The following MLIP variants were observed in gnomAD, a reference collection of about 807,000 sequenced individuals.
The protein encoded by MLIP is muscular LMNA-interacting protein.
MLIP carries 79 observed loss-of-function variants against 84.8 expected under a neutral mutation model. The observed-to-expected ratio is 0.93, with a 90% CI of 0.78 to 1.12. MLIP has a LOEUF of 1.12. Among genes scored for constraint, MLIP ranks in the 50% most tolerant of loss-of-function variants. The pLI is 0.00. For synonymous variants in MLIP, 504 were observed against 463.0 expected, an observed-to-expected ratio of 1.09 and a Z score of -1.14; for missense variants, 1,257 against 1,160.6, an observed-to-expected ratio of 1.08 and a Z score of -1.21.
chr6:54,212,864 T>C (rs1234265418), intron 11 of MLIP, among the ~76,000 whole-genome samples: 1 of 152,236 alleles, frequency 6.6e-6, no homozygotes, highest in African/African-American at 2.4e-5. Flanking sequence ...GGTCTTGGCA[T>C]TTGCTACTTA....
chr6:54,176,123 G>A (rs973909679), intron 9 of MLIP, among the ~76,000 whole-genome samples: 1 of 151,838 alleles, frequency 6.6e-6, no homozygotes, highest in African/African-American at 2.4e-5. Context: ...TGTTGAATTT[G>A]TTTTGCTAGC....
rs1046018047 is a variant in MLIP, at chr6:54,138,397, G to A, written c.2217+111G>A. On this transcript the variant is annotated intron_variant, in intron 4 of 13. Transcript: ENST00000502396. ...ATAGTATTAATTGTACTCCTACAAG[G>A]AGGAAGAAAAAGTGCAAGACGGTAC... is the stretch of plus-strand genomic sequence containing the variant. The A allele has an allele frequency of 8.5e-6, 11 of 1,298,890 alleles. No individual in the cohort carries two copies. In the African/African-American group the frequency reaches 1.6e-4, roughly 19 times the overall value. 80.5% of individuals were successfully genotyped at this position (1,298,890 alleles called of 1,614,324 possible).
chr6:54,138,766 C>T (rs548965908), intron 4 of MLIP, among the ~76,000 whole-genome samples: 48 of 152,256 alleles, frequency 3.2e-4, no homozygotes, highest in African/African-American at 1.1e-3. Context: ...TAGCCAAGCA[C>T]GTTCTCGTAG....
chr6:54,183,067 C>G (rs1315169948), intron 9 of MLIP, among the ~76,000 whole-genome samples: 1 of 152,100 alleles, frequency 6.6e-6, no homozygotes, highest in Non-Finnish European at 1.5e-5. Context: ...ATGTGTCAAA[C>G]TTTATTAATA....
At chr6:54,219,220 AAAAAATAAAAAT>A (rs762712468) in intron 11 of MLIP, among the ~76,000 whole-genome samples, 5 of 151,782 alleles carry the variant, frequency 3.3e-5, no homozygotes, top group African/African-American at 1.2e-4. Flanking sequence ...AAATAAAAAT[AAAAAATAAAAAT>A]AAAAATAAAA....
At chr6:54,217,409 A>T (rs1286212093) in intron 11 of MLIP, 1 of 985,364 alleles carries the variant, frequency 1.0e-6, no homozygotes, top group Non-Finnish European at 1.2e-6. Context: ...ATGGTTGAGT[A>T]GAAAGTAGGC....
Position 54,160,918 on chromosome 6 carries a change from T to C in MLIP, c.2499+119T>C, listed in dbSNP as rs185533140. On this transcript the variant is annotated intron_variant, in intron 8 of 13. Coordinates refer to ENST00000502396, the MANE Select transcript of MLIP (RefSeq NM_001281747.2). ...AATAAATTTAGTGAATAGCAATCAGTCTTTTTTGTAGAATTTTAAAGATAG... is the reference window on the plus strand; with the variant it reads ...AATAAATTTAGTGAATAGCAATCAGCCTTTTTTGTAGAATTTTAAAGATAG... The C allele has an allele frequency of 1.5e-5, 12 of 777,960 alleles. No individual in the cohort carries two copies. The African/African-American group carries it at 2.1e-4, about 14-fold the overall frequency. 48.2% of individuals were successfully genotyped at this position (777,960 alleles called of 1,614,324 possible).
At chr6:54,099,607 G>C (rs1372656936) in intron 1 of MLIP, 1 of 152,046 alleles carries the variant, frequency 6.6e-6, no homozygotes, top group Non-Finnish European at 1.5e-5. Flanking sequence ...ACCCTTTTCA[G>C]GTAACCAAAT....
chr6:54,137,100 G>GA lies in MLIP; in HGVS notation c.1033dup (p.Thr345AsnfsTer54). On this transcript the variant is annotated frameshift_variant, in exon 4 of 14. Coordinates refer to ENST00000502396, the MANE Select transcript of MLIP (RefSeq NM_001281747.2). LOFTEE classifies it high-confidence loss of function. ...GTCCTTAGTCACGGAGAAAGTCCGAGAACCTCTTCTTCTCCACCGTCCTCC... is the reference window on the plus strand; with the variant it reads ...GTCCTTAGTCACGGAGAAAGTCCGAGAAACCTCTTCTTCTCCACCGTCCTCC... 4 of 1,536,036 alleles carry GA rather than the reference G, an allele frequency of 2.6e-6. No homozygotes were observed. The highest frequency in any genetic ancestry group is 3.5e-6 in the Non-Finnish European group (4 of 1,146,872).
At chr6:54,183,708 G>A (rs1189447187) in intron 9 of MLIP, among the ~76,000 whole-genome samples, 1 of 146,224 alleles carries the variant, frequency 6.8e-6, no homozygotes, top group Non-Finnish European at 1.5e-5. Flanking sequence ...TACTAACTTA[G>A]AAATGGTCTT....
chr6:54,246,239 A>T (rs1297357781), intron 12 of MLIP, among the ~76,000 whole-genome samples: 1 of 152,152 alleles, frequency 6.6e-6, no homozygotes, highest in Non-Finnish European at 1.5e-5. Flanking sequence ...AGGCATTCAA[A>T]TGAAGTGTAA....
At chr6:54,234,215 C>T (rs1190738244) in intron 12 of MLIP, among the ~76,000 whole-genome samples, 1 of 152,060 alleles carries the variant, frequency 6.6e-6, no homozygotes, top group African/African-American at 2.4e-5. Context: ...TTGACCCAAC[C>T]CTTTTTAGAT....
chr6:54,082,853 A>G (rs1346902273), intron 1 of MLIP, among the ~76,000 whole-genome samples: 1 of 152,152 alleles, frequency 6.6e-6, no homozygotes, highest in African/African-American at 2.4e-5. Flanking sequence ...AGCACTTAAT[A>G]TACTTTGACT....
At chr6:54,076,595 G>T (rs1053654168) in intron 1 of MLIP, among the ~76,000 whole-genome samples, 1 of 152,222 alleles carries the variant, frequency 6.6e-6, no homozygotes, top group Non-Finnish European at 1.5e-5. Context: ...GCCACTGTTT[G>T]CAGGATTTCC....
intron 1 of MLIP, chr6:54,063,308 C>G (rs1047678911): frequency 2.0e-5 from 3 of 151,928 alleles, no homozygotes; most frequent in Non-Finnish European, 4.4e-5. Flanking sequence ...CACCTTGTTT[C>G]TCTTTTAATC....
At chr6:54,259,758 C>A (rs1171974336) in intron 13 of MLIP, among the ~76,000 whole-genome samples, 3 of 151,680 alleles carry the variant, frequency 2.0e-5, no homozygotes, top group Non-Finnish European at 4.4e-5. Flanking sequence ...AAGGAAAAGG[C>A]CATTTTGTGA....
chr6:54,261,312 C>T (rs535168705), intron 13 of MLIP, among the ~76,000 whole-genome samples: 2 of 152,112 alleles, frequency 1.3e-5, no homozygotes, highest in East Asian at 3.9e-4. Flanking sequence ...CTTTGTATTA[C>T]CTGCTACATG....
chr6:54,097,820 G>T (rs1453957082), intron 1 of MLIP, among the ~76,000 whole-genome samples: 2 of 152,152 alleles, frequency 1.3e-5, no homozygotes, highest in Non-Finnish European at 2.9e-5. Context: ...TAAGGAAGTG[G>T]AGATTTTCAG....
At chr6:54,168,342 T>G (rs1286569703) in intron 8 of MLIP, among the ~76,000 whole-genome samples, 1 of 151,856 alleles carries the variant, frequency 6.6e-6, no homozygotes, top group Non-Finnish European at 1.5e-5. Context: ...ACTCTTGACC[T>G]CCTTAACATC....
Sources: allele counts gnomAD v4.1 joint callset (sites outside exome capture counted in the v4.1 genomes callset), GRCh38; gene constraint gnomAD v4.1.1; transcripts MANE v1.5; gene names NCBI Gene and HGNC (gene_info 2026-07-23, HGNC 2026-07-21).